The following AFG3L2 variants were observed in gnomAD, a reference collection of about 807,000 sequenced individuals.
AFG3L2 encodes the protein AFG3 like matrix AAA peptidase subunit 2, also known as mitochondrial inner membrane m-AAA protease component AFG3L2.
AFG3L2 carries 54 observed loss-of-function variants against 94.5 expected under a neutral mutation model. The ratio of observed to expected loss-of-function variants is 0.57; its 90% CI spans 0.46 to 0.72. The LOEUF (loss-of-function observed/expected upper bound fraction) is 0.72, where lower values mean the gene tolerates loss of function less well. Ranked by LOEUF, AFG3L2 falls within the 30% of genes least tolerant of loss-of-function variation. The probability of loss-of-function intolerance (pLI) is 0.00; values close to 1 mark genes in which losing one functional copy is unlikely to be tolerated. For synonymous variants in AFG3L2, 377 were observed against 365.5 expected (o/e 1.03, Z -0.36); for missense variants, 754 against 994.9 (o/e 0.76, Z 3.26).
chr18:12,331,526 C>T lies in AFG3L2; in HGVS notation c.2176-1743G>A, dbSNP rs538384023. Among the ~76,000 whole-genome samples, 21 of 152,252 alleles carry T rather than the reference C, an allele frequency of 1.4e-4. 1 individual carries two copies. The South Asian group carries it at 3.3e-3, about 24-fold the overall frequency. On this transcript the variant is annotated intron_variant, in intron 16 of 16. Coordinates refer to ENST00000269143, the MANE Select transcript of AFG3L2 (RefSeq NM_006796.3). ...ATGGTACATAAAAAATATATGGCCA[C>T]GCGCAATGGCTCACGCCTGTAATCC... is the stretch of plus-strand genomic sequence containing the variant.
intron 3 of AFG3L2, among the ~76,000 whole-genome samples, chr18:12,368,322 G>C (rs1598838477): frequency 6.6e-6 from 1 of 152,256 alleles, no homozygotes; most frequent in East Asian, 1.9e-4. Context: ...TTGTACCACT[G>C]CACTCCAGCC....
At chr18:12,331,265 C>T (rs1224402488) in intron 16 of AFG3L2, among the ~76,000 whole-genome samples, 4 of 152,176 alleles carry the variant, frequency 2.6e-5, no homozygotes, top group Non-Finnish European at 5.9e-5. Flanking sequence ...CACTCTGATG[C>T]CTGCACGACG....
intron 14 of AFG3L2, chr18:12,342,459 T>G (rs1858405660): frequency 1.3e-5 from 2 of 152,236 alleles, no homozygotes; most frequent in Non-Finnish European, 2.9e-5. Flanking sequence ...TCCTTTGTCC[T>G]GTATATGTAC....
intron 14 of AFG3L2, 65 bp downstream of exon 14, chr18:12,344,067 G>T: frequency 1.4e-6 from 2 of 1,379,638 alleles, no homozygotes; most frequent in Non-Finnish European, 1.0e-6. Context: ...CTTGCTTCTT[G>T]AGTGACTGCA....
chr18:12,367,944 G>A (rs895447305), intron 3 of AFG3L2, among the ~76,000 whole-genome samples: 9 of 152,070 alleles, frequency 5.9e-5, no homozygotes, highest in African/African-American at 1.7e-4. Context: ...CAAGGTGGGC[G>A]ATCACCTGAG....
intron 16 of AFG3L2, among the ~76,000 whole-genome samples, chr18:12,330,849 TAC>T (rs1347625690): frequency 6.6e-6 from 1 of 151,794 alleles, no homozygotes; most frequent in East Asian, 1.9e-4. Context: ...AACCCATCCA[TAC>T]ACAAACTGGA....
chr18:12,346,903 CAAAAAAAAAAAAAAA>C (rs35013811), intron 13 of AFG3L2, among the ~76,000 whole-genome samples: 3 of 36,832 alleles, frequency 8.1e-5, no homozygotes, highest in African/African-American at 3.6e-4. Context: ...GACTCCATCT[CAAAAAAAAAAAAAAA>C]AAAAAAAAAG....
At chr18:12,342,769 G>C (rs1350365004) in intron 14 of AFG3L2, 2 of 152,150 alleles carry the variant, frequency 1.3e-5, no homozygotes, top group Non-Finnish European at 2.9e-5. Flanking sequence ...ACCACCTGTA[G>C]ATAAGACAAT....
chr18:12,362,958 G>C (rs898418576), intron 6 of AFG3L2, among the ~76,000 whole-genome samples: 1 of 152,158 alleles, frequency 6.6e-6, no homozygotes, highest in Non-Finnish European at 1.5e-5. Flanking sequence ...GATAAAGCAC[G>C]GTTATTAATA....
intron 8 of AFG3L2, among the ~76,000 whole-genome samples, chr18:12,357,978 AT>A (rs1292770937): frequency 1.3e-5 from 2 of 151,158 alleles, no homozygotes; most frequent in Non-Finnish European, 2.9e-5. Flanking sequence ...AATTCATAAA[AT>A]ATGACTTTTT....
At chr18:12,358,592 A>G in intron 8 of AFG3L2, 78 bp downstream of exon 8, 1 of 1,503,440 alleles carries the variant, frequency 6.7e-7, no homozygotes, top group South Asian at 1.2e-5. Flanking sequence ...TATCTATAAT[A>G]AGTAATCAAA....
chr18:12,344,342 A>C, intron 13 of AFG3L2, 95 bp from the exon 14 acceptor site: 29 of 1,041,946 alleles, frequency 2.8e-5, no homozygotes, highest in East Asian at 4.9e-5. Flanking sequence ...CTTACCTAAA[A>C]TGGGGTTTGG....
rs984531930 is a variant in AFG3L2 at position 12,346,159 on chromosome 18, TCTG to T, written c.1664-1915_1664-1913del. On this transcript the variant is annotated intron_variant, in intron 13 of 16. Coordinates refer to ENST00000269143, the MANE Select transcript of AFG3L2 (RefSeq NM_006796.3). The stretch of plus-strand genomic sequence containing the variant: ...GTTACTGGCACATCTTCCTCGCTTG[TCTG>T]CTGATGCACCTTCAGTGCTTGTGGT... 9.6e-4 allele frequency among the ~76,000 whole-genome samples: 146 copies of T among 152,324 alleles called. 1 individual carries two copies. The highest frequency in any genetic ancestry group is 3.4e-3 in the African/African-American group (142 of 41,574).
intron 10 of AFG3L2, 78 bp from the exon 11 acceptor site, chr18:12,351,491 G>C: frequency 8.3e-7 from 1 of 1,203,828 alleles, no homozygotes; most frequent in Non-Finnish European, 1.2e-6. Flanking sequence ...GAACATATGA[G>C]CACTGCAAAT....
intron 13 of AFG3L2, among the ~76,000 whole-genome samples, chr18:12,346,879 G>A (rs1266967607): frequency 7.3e-6 from 1 of 137,280 alleles, no homozygotes; most frequent in South Asian, 2.4e-4. Flanking sequence ...ACTTCAGCCT[G>A]GGGGAGAGGG....
At chr18:12,337,649 G>A (rs1449605194) in intron 15 of AFG3L2, 114 bp from the exon 16 acceptor site, 6 of 835,102 alleles carry the variant, frequency 7.2e-6, no homozygotes, top group Non-Finnish European at 1.2e-5. Flanking sequence ...GTAGCCAGCA[G>A]CAGCAGCAGC....
At chr18:12,344,054 TAG>T in intron 14 of AFG3L2, 76 bp downstream of exon 14, 1 of 1,260,682 alleles carries the variant, frequency 7.9e-7, no homozygotes, top group Non-Finnish European at 1.2e-6. Flanking sequence ...TGCAGGAGTG[TAG>T]CTTGCTTCTT....
intron 8 of AFG3L2, among the ~76,000 whole-genome samples, chr18:12,358,349 A>G (rs1463648873): frequency 6.6e-6 from 1 of 152,214 alleles, no homozygotes; most frequent in Non-Finnish European, 1.5e-5. Context: ...AGAGTGTGAC[A>G]TTGTCAGTGA....
intron 6 of AFG3L2, among the ~76,000 whole-genome samples, chr18:12,360,720 A>G (rs1421987084): frequency 6.6e-6 from 1 of 152,082 alleles, no homozygotes; most frequent in Non-Finnish European, 1.5e-5. Flanking sequence ...GCACATAATT[A>G]TTTCCTATTG....
Sources: gnomAD v4.1 joint callset for allele counts (sites outside exome capture counted in the v4.1 genomes callset) on GRCh38, gnomAD v4.1.1 for gene constraint, MANE v1.5 for transcripts, NCBI Gene and HGNC (gene_info 2026-07-23, HGNC 2026-07-21) for gene names.